Variants in AP1G1 observed in about 807,000 individuals in gnomAD.
AP1G1 encodes the protein adaptor related protein complex 1 subunit gamma 1.
Under a neutral mutation model 108.3 loss-of-function variants are expected in AP1G1, and 7 were observed. That is an observed-to-expected ratio of 0.06 (90% CI 0.04 to 0.12). The LOEUF (loss-of-function observed/expected upper bound fraction) is 0.12. Ranked by LOEUF, AP1G1 falls within the 10% of genes least tolerant of loss-of-function variation. AP1G1 has a pLI of 1.00. For missense variants in AP1G1, 756 were observed against 1,010.7 expected, an observed-to-expected ratio of 0.75 and a Z score of 3.42; for synonymous variants, 379 against 353.5, an observed-to-expected ratio of 1.07 and a Z score of -0.81.
At chr16:71,767,775 C>T in intron 6 of AP1G1, 1 of 1,141,330 alleles carries the variant, frequency 8.8e-7, no homozygotes, top group Non-Finnish European at 1.3e-6. Flanking sequence ...AGCACAGCTT[C>T]AGCATTAGTA....
At chr16:71,738,898 C>A in intron 21 of AP1G1, 44 bp downstream of exon 21, 2 of 1,537,178 alleles carry the variant, frequency 1.3e-6, no homozygotes, top group South Asian at 1.2e-5. Context: ...AAAAGCCAGC[C>A]AATCTTTAAT....
chr16:71,788,629 T>G (rs2145523382), intron 2 of AP1G1, among the ~76,000 whole-genome samples: 1 of 150,314 alleles, frequency 6.7e-6, no homozygotes, highest in East Asian at 2.0e-4. Context: ...TGTGCCCAGA[T>G]AAAGCAATTA....
intron 7 of AP1G1, among the ~76,000 whole-genome samples, 160 bp from the exon 8 acceptor site, chr16:71,764,886 A>G (rs1228938990): frequency 6.6e-6 from 1 of 152,126 alleles, no homozygotes; most frequent in Non-Finnish European, 1.5e-5. Context: ...AATTGAAAAC[A>G]TTTTCTTTAT....
intron 1 of AP1G1, among the ~76,000 whole-genome samples, chr16:71,803,356 T>C (rs1297470749): frequency 6.6e-6 from 1 of 152,230 alleles, no homozygotes; most frequent in Non-Finnish European, 1.5e-5. Context: ...ATTTACTAAT[T>C]AAATCTCTCC....
intron 19 of AP1G1, chr16:71,742,345 T>C (rs2145421601): frequency 6.6e-6 from 1 of 152,020 alleles, no homozygotes. Context: ...GGCTACAAAA[T>C]TTAAAAAATA....
chr16:71,805,698 A>G (rs1326863964), intron 1 of AP1G1, among the ~76,000 whole-genome samples: 2 of 152,164 alleles, frequency 1.3e-5, no homozygotes, highest in Non-Finnish European at 2.9e-5. Flanking sequence ...AATTAAAAAT[A>G]ATATCTTGGA....
intron 2 of AP1G1, among the ~76,000 whole-genome samples, chr16:71,788,825 CTTT>C (rs67092359): frequency 1.4e-4 from 20 of 145,488 alleles, no homozygotes; most frequent in Admixed American, 2.8e-4. Flanking sequence ...CCACACCATG[CTTT>C]TTTTTTTTTT....
At chr16:71,748,504 A>C in intron 15 of AP1G1, 126 bp from the exon 16 acceptor site, 4 of 1,127,222 alleles carry the variant, frequency 3.5e-6, no homozygotes, top group Non-Finnish European at 4.9e-6. Context: ...CTCTAACTCA[A>C]CCTGTGCTTT....
At chr16:71,739,888 A>C (rs1378138431) in intron 19 of AP1G1, among the ~76,000 whole-genome samples, 1 of 152,200 alleles carries the variant, frequency 6.6e-6, no homozygotes, top group African/African-American at 2.4e-5. Flanking sequence ...TAAAAGTGTC[A>C]AGATATAAAA....
rs1434716707 is a variant in AP1G1 at position 71,731,577 on chromosome 16, G to C, written c.*1481C>G. 2 of 152,444 alleles carry C rather than the reference G, an allele frequency of 1.3e-5. No individual in the cohort carries two copies. Among genetic ancestry groups the C allele is most frequent in the African/African-American group, 2.4e-5 (1 of 41,374 alleles). 9.4% of individuals were successfully genotyped at this position (152,444 alleles called of 1,614,324 possible). On this transcript the variant is annotated 3_prime_UTR_variant, in exon 23 of 23. Transcript: ENST00000299980. The stretch of plus-strand genomic sequence containing the variant: ...TATAAGACATGGCGCCTGAATACTT[G>C]AACATACATAGTACATTCAATGTGT...
In AP1G1 at chr16:71,729,931, A is replaced by G. The variant is rs1046486378; in HGVS notation, c.*3127T>C. 13 of 152,602 alleles carry G rather than the reference A, an allele frequency of 8.5e-5. No individual in the cohort carries two copies. The highest frequency in any genetic ancestry group is 7.2e-4 in the Admixed American group (11 of 15,278). 9.5% of individuals were successfully genotyped at this position (152,602 alleles called of 1,614,324 possible). On this transcript the variant is annotated 3_prime_UTR_variant, in exon 23 of 23. Transcript: ENST00000299980. ...GATAATGAAGTTGAACCTTGAAAGC[A>G]GTACTCCCTAACTTCCAATTTCTAC...
chr16:71,745,452 A>T, intron 18 of AP1G1, 21 bp downstream of exon 18: 1 of 1,614,066 alleles, frequency 6.2e-7, no homozygotes, highest in Non-Finnish European at 8.5e-7. Context: ...GCCCCAGATG[A>T]GCAAGTGAAA....
Position 71,745,505 on chromosome 16 carries a change from G to T in AP1G1, c.1840C>A (p.Pro614Thr). The part of the protein sequence containing the change: ...ETEPAPLETK[P>T]PPSGPQPTSQ... The stretch of plus-strand genomic sequence containing the variant: ...GTGGGCTGTGGCCCAGAGGGTGGCG[G>T]TTTGGTCTCTAGTGGAGCTGGTTCT... Residue 614 changes from proline (P) to threonine (T), a missense_variant, in exon 18 of 23, where the codon CCG (proline) becomes ACG (threonine). This residue lies in a region of AP1G1 where 357 missense variants were observed against 366.5 expected (regional missense o/e 0.97). Coordinates refer to ENST00000299980, the MANE Select transcript of AP1G1 (RefSeq NM_001128.6). 1 of 1,614,202 alleles carries T rather than the reference G, an allele frequency of 6.2e-7. No individual in the cohort carries two copies. Among genetic ancestry groups the T allele is most frequent in the Non-Finnish European group, 8.5e-7 (1 of 1,180,034 alleles).
At chr16:71,795,194 T>C (rs1246352280) in intron 1 of AP1G1, among the ~76,000 whole-genome samples, 1 of 152,082 alleles carries the variant, frequency 6.6e-6, no homozygotes, top group Non-Finnish European at 1.5e-5. Context: ...CAGCCAACTA[T>C]CAAGGACACA....
chr16:71,769,636 G>A lies in AP1G1; in HGVS notation c.629C>T (p.Ala210Val), dbSNP rs201798143. 56 of 1,613,032 alleles carry A rather than the reference G, an allele frequency of 3.5e-5. No homozygotes were observed. Among genetic ancestry groups the A allele is most frequent in the East Asian group, 4.5e-5 (2 of 44,858 alleles). The change falls in exon 6 of 23, where the codon GCG (alanine) becomes GTG (valine). Residue 210 changes from alanine (A) to valine (V), a missense_variant. Ala to Val is a moderately conservative substitution (Grantham distance 64). Around this residue, in one of 3 missense-constraint regions of AP1G1, gnomAD observed 304 missense variants for 483.6 expected, o/e 0.63. Coordinates refer to ENST00000299980, the MANE Select transcript of AP1G1 (RefSeq NM_001128.6). ...AATGGCACCTACCTTTCTGAAATGC[G>A]CAAGCATGTCTGGGCTTCGCTCACA... ...EMCERSPDML[A>V]HFRKLVPQLV...
intron 21 of AP1G1, among the ~76,000 whole-genome samples, chr16:71,737,748 G>A (rs542905456): frequency 1.1e-4 from 17 of 152,356 alleles, no homozygotes; most frequent in Middle Eastern, 3.4e-3. Context: ...GTGTGTTGTC[G>A]GAATGTCTAA....
At chr16:71,791,854 T>C (rs1443434415) in intron 1 of AP1G1, among the ~76,000 whole-genome samples, 5 of 147,012 alleles carry the variant, frequency 3.4e-5, no homozygotes, top group East Asian at 2.0e-4. Context: ...CTCCACCTCC[T>C]GGGTTCAAGC....
chr16:71,750,322 T>C lies in AP1G1; in HGVS notation c.1295A>G (p.Tyr432Cys), dbSNP rs538556883. The C allele has an allele frequency of 3.1e-6, 5 of 1,613,982 alleles. No individual in the cohort carries two copies. The African/African-American group carries it at 5.3e-5, about 17-fold the overall frequency. The part of the protein sequence containing the change: ...IMRVLTTAGS[Y>C]VRDDAVPNLI... ...ATTGGGGACTGCATCATCACGAACA[T>C]AACTTCCTGCCTAAAAGGAAATGCA... Residue 432 changes from tyrosine (Y) to cysteine (C), a missense_variant, in exon 14 of 23, where the codon TAT (tyrosine) becomes TGT (cysteine). Around this residue, in one of 3 missense-constraint regions of AP1G1, gnomAD observed 357 missense variants for 366.5 expected, o/e 0.97. Coordinates refer to ENST00000299980, the MANE Select transcript of AP1G1 (RefSeq NM_001128.6).
At chr16:71,734,539 A>C (rs1401500497) in intron 22 of AP1G1, 70 bp downstream of exon 22, 6 of 1,309,968 alleles carry the variant, frequency 4.6e-6, no homozygotes, top group Non-Finnish European at 6.6e-6. Flanking sequence ...TAAAGAAACA[A>C]AGCAGAATTT....
Sources: allele counts gnomAD v4.1 joint callset (sites outside exome capture counted in the v4.1 genomes callset), GRCh38; gene constraint gnomAD v4.1.1; regional missense constraint gnomAD v4.1.1; transcripts MANE v1.5; gene names NCBI Gene and HGNC (gene_info 2026-07-23, HGNC 2026-07-21).